SNX18: variants seen among roughly 807,000 people sequenced by gnomAD.
SNX18 encodes sorting nexin-18.
Under a neutral mutation model 48.7 loss-of-function variants are expected in SNX18, and 35 were observed. That is an observed-to-expected ratio of 0.72 (90% CI 0.55 to 0.95). The LOEUF is 0.95. Ranked by LOEUF, SNX18 falls within the 40% of genes least tolerant of loss-of-function variation. SNX18 has a pLI of 0.00. For synonymous variants in SNX18, 492 were observed against 384.7 expected, an observed-to-expected ratio of 1.28 and a Z score of -3.26; for missense variants, 824 against 871.0, an observed-to-expected ratio of 0.95 and a Z score of 0.68.
At chr5:54,625,751 T>C in the SNX18 span, among the ~76,000 whole-genome samples, 1 of 152,138 alleles carries the variant, frequency 6.6e-6, no homozygotes, top group Non-Finnish European at 1.5e-5. Flanking sequence ...AATATTCCAT[T>C]TCTCTGACTG....
rs776606069 is a variant in SNX18 at position 54,519,181 on chromosome 5, C to A, written c.1229C>A (p.Thr410Asn). ...ATGGTGGGCGCCAACTTCTTCCTGA[C>A]CCTTAGCACGCCCCCCGCCGCTGCC... ...DEMVGANFFLTLSTPPAAALD... is the reference protein window; with the variant it reads ...DEMVGANFFLNLSTPPAAALD... The change falls in exon 1 of 2, where the codon ACC (threonine) becomes AAC (asparagine). Residue 410 changes from threonine (T) to asparagine (N), a missense_variant. By Grantham distance (65) the Thr-to-Asn change is moderately conservative (BLOSUM62 0). Coordinates refer to ENST00000381410, the MANE Select transcript of SNX18 (RefSeq NM_001102575.2). 1 of 1,613,746 alleles carries A rather than the reference C, an allele frequency of 6.2e-7. No homozygotes were observed. The highest frequency in any genetic ancestry group is 8.5e-7 in the Non-Finnish European group (1 of 1,179,816).
At chr5:54,553,445 G>A in the SNX18 span, among the ~76,000 whole-genome samples, 3 of 152,028 alleles carry the variant, frequency 2.0e-5, no homozygotes, top group Non-Finnish European at 4.4e-5. Context: ...ACAGCAACAG[G>A]TCCCTCCTCT....
the SNX18 span, among the ~76,000 whole-genome samples, chr5:54,559,872 AT>A: frequency 3.3e-5 from 5 of 152,196 alleles, no homozygotes; most frequent in African/African-American, 1.2e-4. Context: ...AAGAAAAAAA[AT>A]AACCCCATGA....
the SNX18 span, among the ~76,000 whole-genome samples, chr5:54,591,046 T>C: frequency 6.6e-6 from 1 of 152,170 alleles, no homozygotes; most frequent in Non-Finnish European, 1.5e-5. Context: ...CCTGATGTCC[T>C]CATCTCTCTC....
At chr5:54,533,735 T>C (rs1762295025) in intron 1 of SNX18, among the ~76,000 whole-genome samples, 1 of 152,232 alleles carries the variant, frequency 6.6e-6, no homozygotes, top group Admixed American at 6.5e-5. Context: ...GTGCAGGCGC[T>C]TCTCTGTGAT....
chr5:54,562,525 C>T, the SNX18 span, among the ~76,000 whole-genome samples: 2 of 152,088 alleles, frequency 1.3e-5, no homozygotes, highest in Non-Finnish European at 2.9e-5. Context: ...CCCACAAATT[C>T]CTATAGCTTA....
At chr5:54,625,756 T>G in the SNX18 span, among the ~76,000 whole-genome samples, 1 of 152,182 alleles carries the variant, frequency 6.6e-6, no homozygotes, top group African/African-American at 2.4e-5. Flanking sequence ...TCCATTTCTC[T>G]GACTGCAGTC....
chr5:54,559,141 A>T, the SNX18 span, among the ~76,000 whole-genome samples: 1 of 152,204 alleles, frequency 6.6e-6, no homozygotes, highest in Non-Finnish European at 1.5e-5. Context: ...TAAAATGGCC[A>T]TAGTGCCCAA....
Position 54,518,644 on chromosome 5 carries a change from G to A in SNX18, c.692G>A (p.Arg231His). 6.4e-7 allele frequency: 1 copy of A among 1,557,078 alleles called. No homozygotes were observed. Among genetic ancestry groups the A allele is most frequent in the Non-Finnish European group, 8.7e-7 (1 of 1,153,452 alleles). Residue 231 changes from arginine to histidine, a missense_variant, in exon 1 of 2, where the codon CGC becomes CAC. Physicochemically the swap from Arg to His is conservative, Grantham distance 29 (BLOSUM62 0). Transcript: ENST00000381410. ...GCCACCGTGAGCCGCAACCTCAATC[G>A]CTTCTCCACCTTCGTCAAGTCCGGC... Reference protein sequence around the residue: ...SSATVSRNLNRFSTFVKSGGE... With the variant: ...SSATVSRNLNHFSTFVKSGGE...
the SNX18 span, among the ~76,000 whole-genome samples, chr5:54,611,748 G>A: frequency 1.3e-5 from 2 of 152,178 alleles, no homozygotes; most frequent in Non-Finnish European, 1.5e-5. Context: ...AAGGAGAAGT[G>A]GGGGTGGGGG....
the SNX18 span, among the ~76,000 whole-genome samples, chr5:54,560,278 G>A: frequency 1.1e-3 from 164 of 152,286 alleles, no homozygotes; most frequent in Admixed American, 2.4e-3. Context: ...CATACACACC[G>A]TAGAATACTA....
intron 1 of SNX18, 23 bp downstream of exon 1, chr5:54,519,596 G>A (rs1561112420): frequency 1.2e-6 from 2 of 1,614,226 alleles, no homozygotes; most frequent in Non-Finnish European, 1.7e-6. Flanking sequence ...CCTTAGAGCA[G>A]GTGATATGGA....
the SNX18 span, among the ~76,000 whole-genome samples, chr5:54,632,328 A>T: frequency 6.6e-6 from 1 of 152,360 alleles, no homozygotes; most frequent in South Asian, 2.1e-4. Context: ...CCTGAAAAAC[A>T]AAGGAAGTCT....
the SNX18 span, among the ~76,000 whole-genome samples, chr5:54,621,622 A>G: frequency 6.6e-6 from 1 of 152,194 alleles, no homozygotes; most frequent in Admixed American, 6.5e-5. Flanking sequence ...CTTTAGAAAG[A>G]TATCAAGCAC....
At chr5:54,642,686 A>G in the SNX18 span, among the ~76,000 whole-genome samples, 15 of 152,228 alleles carry the variant, frequency 9.9e-5, no homozygotes, top group African/African-American at 3.6e-4. Flanking sequence ...TATAATATCT[A>G]GCGTCTTAAC....
the SNX18 span, among the ~76,000 whole-genome samples, chr5:54,606,176 C>A: frequency 6.6e-6 from 1 of 152,146 alleles, no homozygotes. Context: ...TGGCTACACA[C>A]CAGACATCCA....
At chr5:54,522,499 T>G (rs1233223277) in intron 1 of SNX18, among the ~76,000 whole-genome samples, 1 of 152,236 alleles carries the variant, frequency 6.6e-6, no homozygotes, top group Non-Finnish European at 1.5e-5. Flanking sequence ...TATAGTTTCC[T>G]GATAGCTTTA....
At chr5:54,647,666 T>A in the SNX18 span, among the ~76,000 whole-genome samples, 1 of 152,220 alleles carries the variant, frequency 6.6e-6, no homozygotes, top group African/African-American at 2.4e-5. Context: ...GGGGCAATAT[T>A]GAGGAGATTC....
the SNX18 span, among the ~76,000 whole-genome samples, chr5:54,554,220 A>G: frequency 1.3e-5 from 2 of 152,042 alleles, no homozygotes; most frequent in Non-Finnish European, 2.9e-5. Context: ...TCTTTCCTCC[A>G]TCTCTCCTAC....
Sources: allele counts gnomAD v4.1 joint callset (sites outside exome capture counted in the v4.1 genomes callset), GRCh38; gene constraint gnomAD v4.1.1; transcripts MANE v1.5; gene names NCBI Gene and HGNC (gene_info 2026-07-23, HGNC 2026-07-21).